The following CHSY3 variants were observed in gnomAD, a reference collection of about 807,000 sequenced individuals.
CHSY3 encodes the protein chondroitin sulfate synthase 3, also known as N-acetylgalactosaminyl-proteoglycan 3-beta-glucuronosyltransferase 3.
A neutral mutation model predicts 67.2 loss-of-function variants in CHSY3; 35 were observed. The observed-to-expected ratio is 0.52, with a 90% CI of 0.40 to 0.69. The LOEUF is 0.69. Among genes scored for constraint, CHSY3 ranks in the 30% least tolerant of loss-of-function variants. The pLI, the probability that CHSY3 is intolerant of heterozygous loss-of-function variation, is 0.00. For synonymous variants in CHSY3, 474 were observed against 434.7 expected, an observed-to-expected ratio of 1.09 and a Z score of -1.12; for missense variants, 1,069 against 1,138.5, an observed-to-expected ratio of 0.94 and a Z score of 0.88.
chr5:129,966,025 A>T (rs537711910), intron 2 of CHSY3, among the ~76,000 whole-genome samples: 5 of 151,910 alleles, frequency 3.3e-5, no homozygotes, highest in African/African-American at 1.2e-4. Context: ...GCAAAGATGT[A>T]AAGCTCCATC....
At chr5:130,137,181 T>C (rs1327871127) in intron 2 of CHSY3, among the ~76,000 whole-genome samples, 2 of 152,220 alleles carry the variant, frequency 1.3e-5, no homozygotes, top group Non-Finnish European at 2.9e-5. Flanking sequence ...CCTAGATGTT[T>C]TGTAGGTTCT....
chr5:129,985,037 T>C (rs1445792913), intron 2 of CHSY3, among the ~76,000 whole-genome samples: 1 of 152,324 alleles, frequency 6.6e-6, no homozygotes, highest in East Asian at 1.9e-4. Flanking sequence ...TAGGTCCCAC[T>C]TGTCAATTTT....
At chr5:130,123,147 G>T (rs1166543855) in intron 2 of CHSY3, among the ~76,000 whole-genome samples, 3 of 151,490 alleles carry the variant, frequency 2.0e-5, no homozygotes, top group African/African-American at 7.3e-5. Context: ...TAAAATAAGA[G>T]ATTAATTTTA....
chr5:130,052,591 A>G (rs1036397468), intron 2 of CHSY3, among the ~76,000 whole-genome samples: 2 of 152,012 alleles, frequency 1.3e-5, no homozygotes, highest in Non-Finnish European at 2.9e-5. Flanking sequence ...CTGTGAGAGA[A>G]AATAAGGGGG....
At chr5:130,176,917 C>T (rs1770071538) in intron 2 of CHSY3, among the ~76,000 whole-genome samples, 1 of 152,072 alleles carries the variant, frequency 6.6e-6, no homozygotes, top group Non-Finnish European at 1.5e-5. Flanking sequence ...GTGCAGCAAA[C>T]CACCATGGCA....
At chr5:129,958,341 C>T (rs982387545) in intron 2 of CHSY3, among the ~76,000 whole-genome samples, 66 of 151,996 alleles carry the variant, frequency 4.3e-4, no homozygotes, top group African/African-American at 1.6e-3. Flanking sequence ...GACCTGATTC[C>T]AGCTGGGCCT....
At chr5:129,960,075 C>G (rs1762287171) in intron 2 of CHSY3, among the ~76,000 whole-genome samples, 1 of 152,052 alleles carries the variant, frequency 6.6e-6, no homozygotes, top group African/African-American at 2.4e-5. Context: ...TGGGACCCCA[C>G]CAGTAGAATT....
chr5:130,151,026 G>A (rs1365980125), intron 2 of CHSY3, among the ~76,000 whole-genome samples: 1 of 152,070 alleles, frequency 6.6e-6, no homozygotes, highest in African/African-American at 2.4e-5. Context: ...ACTAATGCAG[G>A]AACATTTTGT....
At chr5:130,050,055 T>G (rs894824393) in intron 2 of CHSY3, among the ~76,000 whole-genome samples, 1 of 152,110 alleles carries the variant, frequency 6.6e-6, no homozygotes, top group African/African-American at 2.4e-5. Context: ...AAGCTGTATC[T>G]CTTTAATATT....
intron 2 of CHSY3, among the ~76,000 whole-genome samples, chr5:130,120,023 C>T (rs1767955146): frequency 6.6e-6 from 1 of 152,146 alleles, no homozygotes; most frequent in South Asian, 2.1e-4. Flanking sequence ...CCTCAGATTA[C>T]TATACACATT....
intron 2 of CHSY3, among the ~76,000 whole-genome samples, chr5:129,967,936 C>A (rs1762514895): frequency 6.6e-6 from 1 of 151,506 alleles, no homozygotes; most frequent in Non-Finnish European, 1.5e-5. Flanking sequence ...GTTGAAGTGG[C>A]AATAAGAGAG....
chr5:129,993,694 C>T (rs930361196), intron 2 of CHSY3, among the ~76,000 whole-genome samples: 1 of 152,106 alleles, frequency 6.6e-6, no homozygotes, highest in African/African-American at 2.4e-5. Flanking sequence ...TTAATTGGAG[C>T]ATTTAGCCCA....
At chr5:130,024,155 G>C (rs1185387489) in intron 2 of CHSY3, among the ~76,000 whole-genome samples, 5 of 81,540 alleles carry the variant, frequency 6.1e-5, no homozygotes, top group Admixed American at 1.1e-4. Context: ...AAAAAAAAAA[G>C]CCTGTCTTGC....
intron 2 of CHSY3, among the ~76,000 whole-genome samples, chr5:130,117,796 A>C (rs1767864675): frequency 1.3e-5 from 2 of 152,162 alleles, no homozygotes; most frequent in South Asian, 2.1e-4. Flanking sequence ...ATTTTTCTTG[A>C]TGCTCAGAAT....
chr5:130,102,755 T>C (rs1157466999), intron 2 of CHSY3, among the ~76,000 whole-genome samples: 3 of 152,098 alleles, frequency 2.0e-5, no homozygotes, highest in African/African-American at 7.2e-5. Context: ...TTCCTACATA[T>C]TGGCCTGGTT....
At chr5:130,014,596 C>A (rs1764161336) in intron 2 of CHSY3, among the ~76,000 whole-genome samples, 1 of 152,122 alleles carries the variant, frequency 6.6e-6, no homozygotes, top group African/African-American at 2.4e-5. Flanking sequence ...AATCTAATTA[C>A]CTCCCATGAG....
chr5:129,918,108 A>T (rs1374385794), intron 2 of CHSY3, among the ~76,000 whole-genome samples: 1 of 152,182 alleles, frequency 6.6e-6, no homozygotes, highest in East Asian at 1.9e-4. Context: ...CAAAGAACTA[A>T]TCATTGGACT....
At chr5:130,082,432 A>G (rs999329081) in intron 2 of CHSY3, among the ~76,000 whole-genome samples, 1 of 152,112 alleles carries the variant, frequency 6.6e-6, no homozygotes, top group Admixed American at 6.6e-5. Flanking sequence ...AGAAATCCAA[A>G]TCACAGTGTA....
rs529521946 is a variant in CHSY3, at chr5:130,056,195, T to C, written c.1087-128034T>C. Among the ~76,000 whole-genome samples, 427 of 152,168 alleles carry C rather than the reference T, an allele frequency of 2.8e-3. 2 individuals carry two copies. Among genetic ancestry groups the C allele is most frequent in the African/African-American group, 9.8e-3 (408 of 41,506 alleles). On this transcript the variant is annotated intron_variant, in intron 2 of 2. Transcript: ENST00000305031. ...CCAGAAGGTATCTGATGGCATGGAGTTGACATTTAAACAAACTTTCTGACT... is the reference window on the plus strand; with the variant it reads ...CCAGAAGGTATCTGATGGCATGGAGCTGACATTTAAACAAACTTTCTGACT...
Sources: gnomAD v4.1 joint callset for allele counts (sites outside exome capture counted in the v4.1 genomes callset) on GRCh38, gnomAD v4.1.1 for gene constraint, MANE v1.5 for transcripts, NCBI Gene and HGNC (gene_info 2026-07-23, HGNC 2026-07-21) for gene names.